EFEMP1: variants seen among roughly 807,000 people sequenced by gnomAD.
The protein encoded by EFEMP1 is EGF-like fibulin extracellular matrix protein 1, also known as EGF-containing fibulin-like extracellular matrix protein 1.
Under a neutral mutation model 65.7 loss-of-function variants are expected in EFEMP1, and 18 were observed. The observed-to-expected ratio is 0.27, with a 90% CI of 0.19 to 0.41. EFEMP1 has a LOEUF of 0.41. Among genes scored for constraint, EFEMP1 ranks in the 10% least tolerant of loss-of-function variants. The probability of loss-of-function intolerance (pLI) is 1.00; values close to 1 mark genes in which losing one functional copy is unlikely to be tolerated. For synonymous variants in EFEMP1, 237 were observed against 219.7 expected (o/e 1.08, Z -0.70); for missense variants, 469 against 624.8 (o/e 0.75, Z 2.66).
chr2:55,895,262 T>C (rs1669775545), intron 5 of EFEMP1, among the ~76,000 whole-genome samples: 1 of 152,250 alleles, frequency 6.6e-6, no homozygotes, highest in Non-Finnish European at 1.5e-5. Context: ...ATGATTGGTC[T>C]GAATCTTCAC....
intron 5 of EFEMP1, among the ~76,000 whole-genome samples, chr2:55,892,090 A>G (rs1669646563): frequency 6.6e-6 from 1 of 152,170 alleles, no homozygotes; most frequent in South Asian, 2.1e-4. Flanking sequence ...CATAAGGGAC[A>G]AAAGAAAATC....
chr2:55,916,106 CA>C (rs1488675808), intron 5 of EFEMP1, among the ~76,000 whole-genome samples: 1 of 143,492 alleles, frequency 7.0e-6, no homozygotes, highest in African/African-American at 2.7e-5. Context: ...AAGTTTCCTT[CA>C]TTTTTTTTTT....
At chr2:55,898,433 T>C (rs921319303) in intron 5 of EFEMP1, among the ~76,000 whole-genome samples, 1 of 152,186 alleles carries the variant, frequency 6.6e-6, no homozygotes, top group Non-Finnish European at 1.5e-5. Flanking sequence ...AAATAGTCCT[T>C]ACGTAGCACA....
In EFEMP1 at chr2:55,917,226, G is replaced by T. The variant is rs997138741; in HGVS notation, c.517+439C>A. The stretch of plus-strand genomic sequence containing the variant: ...GGTGACTTTTGCCAGCTGTGACTTT[G>T]GCACCCGCCTTCCTGGGTTGGAAGG... On this transcript the variant is annotated intron_variant, in intron 5 of 11. Coordinates refer to ENST00000355426, the MANE Select transcript of EFEMP1 (RefSeq NM_001039348.3). The surrounding 1 kb of genome is among the most constrained non-coding windows in gnomAD (Gnocchi z 6.3). 6.6e-6 allele frequency among the ~76,000 whole-genome samples: 1 copy of T among 152,156 alleles called. No homozygotes were observed. The highest frequency in any genetic ancestry group is 1.5e-5 in the Non-Finnish European group (1 of 68,024).
In EFEMP1 at chr2:55,917,728, TGGAG is replaced by T; in HGVS notation, c.450_453del (p.Ser151ThrfsTer23). On this transcript the variant is annotated frameshift_variant, in exon 5 of 12. Coordinates refer to ENST00000355426, the MANE Select transcript of EFEMP1 (RefSeq NM_001039348.3). LOFTEE classifies it high-confidence loss of function. This position sits in a 1 kb window ranked among gnomAD's most constrained non-coding sequence, Gnocchi z 6.3. Reference sequence around the variant, plus strand: ...GCACACTGGATACGGTGGGAAGGGTTGGAGGGAATGCGCTGAGGGTCAGCTGGGT... The same window carrying T: ...GCACACTGGATACGGTGGGAAGGGTTGGAATGCGCTGAGGGTCAGCTGGGT... 6.2e-7 allele frequency: 1 copy of T among 1,614,170 alleles called. No individual in the cohort carries two copies. Among genetic ancestry groups the T allele is most frequent in the Non-Finnish European group, 8.5e-7 (1 of 1,180,016 alleles).
intron 5 of EFEMP1, among the ~76,000 whole-genome samples, chr2:55,910,450 G>C (rs962881462): frequency 1.3e-5 from 2 of 152,100 alleles, no homozygotes; most frequent in Admixed American, 1.3e-4. Flanking sequence ...GAAAATTTTT[G>C]TTTACTCTTT....
chr2:55,922,828 A>C lies in EFEMP1; in HGVS notation c.-8+71T>G. The stretch of plus-strand genomic sequence containing the variant: ...TGCATTTCCTGCCCCCCAGTCCCAC[A>C]CCCCGGGGGATGGAGGTGGGGCTGC... On this transcript the variant is annotated intron_variant, in intron 2 of 11. Transcript: ENST00000355426. The surrounding 1 kb of genome is among the most constrained non-coding windows in gnomAD (Gnocchi z 5.5). The C allele has an allele frequency of 5.5e-6, 6 of 1,083,506 alleles. No homozygotes were observed. The highest frequency in any genetic ancestry group is 1.6e-5 in the African/African-American group (1 of 60,714). 67.1% of individuals were successfully genotyped at this position (1,083,506 alleles called of 1,614,324 possible).
In EFEMP1 at chr2:55,867,649, G is replaced by T. The variant is rs1276388460; in HGVS notation, c.1321-415C>A. Reference sequence around the variant, plus strand: ...TACATTCTAGTAAGTAAAGAGAAATGGAAACAGTTTTTCAACAGAATATGG... The same window carrying T: ...TACATTCTAGTAAGTAAAGAGAAATTGAAACAGTTTTTCAACAGAATATGG... On this transcript the variant is annotated intron_variant, in intron 11 of 11. Coordinates refer to ENST00000355426, the MANE Select transcript of EFEMP1 (RefSeq NM_001039348.3). This position sits in a 1 kb window ranked among gnomAD's most constrained non-coding sequence, Gnocchi z 4.3. Among the ~76,000 whole-genome samples the T allele has an allele frequency of 6.6e-6, 1 of 152,002 alleles. No individual in the cohort carries two copies. The highest frequency in any genetic ancestry group is 2.4e-5 in the African/African-American group (1 of 41,382).
chr2:55,879,199 G>A (rs1669145829), intron 6 of EFEMP1, among the ~76,000 whole-genome samples: 1 of 152,172 alleles, frequency 6.6e-6, no homozygotes, highest in Non-Finnish European at 1.5e-5. Flanking sequence ...GGTGGAGGTA[G>A]AGGGTTTTTT....
chr2:55,870,766 G>C lies in EFEMP1; in HGVS notation c.1274C>G (p.Thr425Ser), dbSNP rs780161368. The stretch of plus-strand genomic sequence containing the variant: ...TTCATTTCCAGATTTAATCCGAAAA[G>C]TATTGATGGTGTTGGCATAAATAGT... The part of the protein sequence containing the change: ...ATTIYANTIN[T>S]FRIKSGNENG... The change falls in exon 11 of 12, where the codon ACT (threonine) becomes AGT (serine). Residue 425 changes from threonine (T) to serine (S), a missense_variant. By Grantham distance (58) the Thr-to-Ser change is moderately conservative. Transcript: ENST00000355426. The surrounding 1 kb of genome is among the most constrained non-coding windows in gnomAD (Gnocchi z 5.8). The C allele has an allele frequency of 2.5e-6, 4 of 1,613,780 alleles. No individual in the cohort carries two copies. Among genetic ancestry groups the C allele is most frequent in the East Asian group, 4.5e-5 (2 of 44,884 alleles).
At chr2:55,920,887 C>T (rs991171421) in intron 3 of EFEMP1, among the ~76,000 whole-genome samples, 1 of 152,120 alleles carries the variant, frequency 6.6e-6, no homozygotes, top group Non-Finnish European at 1.5e-5. Context: ...ATTAGGCATA[C>T]AAAATTTAAA....
chr2:55,911,230 C>T (rs573903806), intron 5 of EFEMP1, among the ~76,000 whole-genome samples: 3 of 152,058 alleles, frequency 2.0e-5, no homozygotes, highest in African/African-American at 4.8e-5. Context: ...GTTTAGGAAT[C>T]GGAGTATTGG....
In EFEMP1 at chr2:55,922,626, G is replaced by C; in HGVS notation, c.-7-179C>G. On this transcript the variant is annotated intron_variant, in intron 2 of 11. Transcript: ENST00000355426. The surrounding 1 kb of genome is among the most constrained non-coding windows in gnomAD (Gnocchi z 5.5). Reference sequence around the variant, plus strand: ...CTCCTGAACCTTCTCGGTAGCCAACGAACGAGGCAGCAAAGACGTAAAAAC... The same window carrying C: ...CTCCTGAACCTTCTCGGTAGCCAACCAACGAGGCAGCAAAGACGTAAAAAC... 1.5e-6 allele frequency: 1 copy of C among 647,622 alleles called. No homozygotes were observed. The allele number at this position is 647,622 out of a possible 1,614,324, so 40.1% of individuals were successfully genotyped here.
chr2:55,890,184 A>G (rs1476526800), intron 5 of EFEMP1, among the ~76,000 whole-genome samples: 1 of 152,024 alleles, frequency 6.6e-6, no homozygotes, highest in Non-Finnish European at 1.5e-5. Flanking sequence ...CAATATTAGT[A>G]TTAGAAGAGG....
intron 5 of EFEMP1, among the ~76,000 whole-genome samples, chr2:55,911,607 G>A (rs1670485275): frequency 6.6e-6 from 1 of 152,094 alleles, no homozygotes; most frequent in Admixed American, 6.6e-5. Context: ...CAGAGTTTCT[G>A]ATTCAGTCAG....
intron 11 of EFEMP1, among the ~76,000 whole-genome samples, chr2:55,869,183 A>G (rs1323050739): frequency 6.6e-6 from 1 of 152,164 alleles, no homozygotes; most frequent in Non-Finnish European, 1.5e-5. Context: ...TTTAATTGCA[A>G]AGAAAAAACA....
At position 55,867,281 on chromosome 2, in the gene EFEMP1, T is replaced by C. The variant is rs765007463; in HGVS notation, c.1321-47A>G. On this transcript the variant is annotated intron_variant, in intron 11 of 11. Transcript: ENST00000355426. The surrounding 1 kb of genome is among the most constrained non-coding windows in gnomAD (Gnocchi z 4.3). Reference sequence around the variant, plus strand: ...AAAGGAAGAGAATAATTTTCTTGGATTGGAGTTTCTATGCTTTGTTAGTAT... The same window carrying C: ...AAAGGAAGAGAATAATTTTCTTGGACTGGAGTTTCTATGCTTTGTTAGTAT... 21 of 1,593,250 alleles carry C rather than the reference T, an allele frequency of 1.3e-5. No individual in the cohort carries two copies. The highest frequency in any genetic ancestry group is 6.8e-5 in the East Asian group (3 of 44,048).
At chr2:55,916,842 C>T (rs1333325593) in intron 5 of EFEMP1, among the ~76,000 whole-genome samples, 1 of 152,228 alleles carries the variant, frequency 6.6e-6, no homozygotes, top group African/African-American at 2.4e-5. Context: ...TAGCTAATAT[C>T]CTACATGTCT....
chr2:55,901,500 G>C (rs1670029663), intron 5 of EFEMP1, among the ~76,000 whole-genome samples: 1 of 152,182 alleles, frequency 6.6e-6, no homozygotes, highest in East Asian at 1.9e-4. Flanking sequence ...GAAACAGCCA[G>C]GTTCTTCTTT....
Sources: gnomAD v4.1 joint callset for allele counts (sites outside exome capture counted in the v4.1 genomes callset) on GRCh38, gnomAD v4.1.1 for gene constraint, Gnocchi (gnomAD v3.1) non-coding constraint, MANE v1.5 for transcripts, NCBI Gene and HGNC (gene_info 2026-07-23, HGNC 2026-07-21) for gene names.